Variants in AGTPBP1 observed in about 807,000 individuals in gnomAD.
AGTPBP1 encodes the protein ATP/GTP binding carboxypeptidase 1, also known as cytosolic carboxypeptidase 1.
In AGTPBP1, 70 loss-of-function variants were observed where a neutral mutation model predicts 143.9. That is an observed-to-expected ratio of 0.49 (90% confidence interval 0.40 to 0.59). The LOEUF is 0.59. Among genes scored for constraint, AGTPBP1 ranks in the 20% least tolerant of loss-of-function variants. AGTPBP1 has a pLI of 0.00. For missense variants in AGTPBP1, 1,229 were observed against 1,464.5 expected (o/e 0.84, Z 2.62); for synonymous variants, 463 against 500.2 (o/e 0.93, Z 0.99).
At chr9:85,591,719 C>T (rs1425474192) in intron 19 of AGTPBP1, among the ~76,000 whole-genome samples, 5 of 152,192 alleles carry the variant, frequency 3.3e-5, no homozygotes. Context: ...CTGTCAGCCT[C>T]ATTTAGTCTT....
the AGTPBP1 span, among the ~76,000 whole-genome samples, chr9:85,798,092 G>A: frequency 3.3e-5 from 5 of 150,900 alleles, no homozygotes; most frequent in Admixed American, 1.3e-4. Context: ...GGTGGAGACG[G>A]GGTTTCACCA....
chr9:85,710,455 AT>A (rs200321629), intron 2 of AGTPBP1, among the ~76,000 whole-genome samples: 1,657 of 152,096 alleles, frequency 0.011, 29 homozygotes, highest in African/African-American at 0.037. Context: ...TGGAAGTATT[AT>A]TTCTCCCCCC....
At chr9:85,654,445 GT>G (rs899263845) in intron 11 of AGTPBP1, among the ~76,000 whole-genome samples, 20 of 149,748 alleles carry the variant, frequency 1.3e-4, no homozygotes, top group African/African-American at 4.6e-4. Flanking sequence ...TGATTAGGTT[GT>G]TTTTTTTTAA....
the AGTPBP1 span, among the ~76,000 whole-genome samples, chr9:85,767,018 T>TC: frequency 6.6e-6 from 1 of 151,722 alleles, no homozygotes; most frequent in South Asian, 2.1e-4. Flanking sequence ...GCTTTTTTTT[T>TC]TTTTTTTGGT....
At chr9:85,698,274 C>A (rs1410537413) in intron 2 of AGTPBP1, among the ~76,000 whole-genome samples, 1 of 152,180 alleles carries the variant, frequency 6.6e-6, no homozygotes, top group Non-Finnish European at 1.5e-5. Flanking sequence ...AGAAAACTTT[C>A]ATCTTAGTGA....
chr9:85,646,016 T>C (rs188139925), intron 12 of AGTPBP1, among the ~76,000 whole-genome samples: 2 of 152,272 alleles, frequency 1.3e-5, no homozygotes, highest in African/African-American at 2.4e-5. Flanking sequence ...CATTTTGAAA[T>C]AAGTTGCCAC....
At chr9:85,785,311 G>A in the AGTPBP1 span, among the ~76,000 whole-genome samples, 1 of 152,014 alleles carries the variant, frequency 6.6e-6, no homozygotes, top group Non-Finnish European at 1.5e-5. Context: ...TCCAACCTGG[G>A]CGACAGAGCG....
intron 25 of AGTPBP1, among the ~76,000 whole-genome samples, chr9:85,558,898 C>T (rs568818382): frequency 6.6e-6 from 1 of 152,198 alleles, no homozygotes; most frequent in Non-Finnish European, 1.5e-5. Flanking sequence ...GGATTACAGG[C>T]GTGAGCCACT....
intron 13 of AGTPBP1, 56 bp from the exon 14 acceptor site, chr9:85,633,430 C>A: frequency 4.6e-6 from 6 of 1,303,490 alleles, no homozygotes; most frequent in Non-Finnish European, 6.2e-6. Context: ...AACATATTAA[C>A]AAAACTAATA....
the AGTPBP1 span, among the ~76,000 whole-genome samples, chr9:85,756,653 C>A: frequency 2.1e-4 from 32 of 152,188 alleles, no homozygotes; most frequent in Admixed American, 3.9e-4. Flanking sequence ...TGAACATGAA[C>A]ATTCATAGTA....
intron 23 of AGTPBP1, among the ~76,000 whole-genome samples, chr9:85,580,812 T>C (rs372424810): frequency 5.3e-5 from 8 of 152,148 alleles, no homozygotes; most frequent in African/African-American, 1.9e-4. Context: ...ACAATGGAAA[T>C]CTTATCTGAC....
At chr9:85,672,772 TCA>T in intron 6 of AGTPBP1, 91 bp from the exon 7 acceptor site, 1 of 1,067,046 alleles carries the variant, frequency 9.4e-7, no homozygotes, top group Non-Finnish European at 1.3e-6. Flanking sequence ...TCTTGCTCTG[TCA>T]TCCAGGCTGG....
At chr9:85,707,919 G>A (rs924339892) in intron 2 of AGTPBP1, among the ~76,000 whole-genome samples, 1 of 151,892 alleles carries the variant, frequency 6.6e-6, no homozygotes. Context: ...GTTCGGGGGT[G>A]GGGGGCTAGG....
chr9:85,687,625 GA>G (rs772885260), intron 3 of AGTPBP1, among the ~76,000 whole-genome samples: 5 of 151,600 alleles, frequency 3.3e-5, no homozygotes, highest in Non-Finnish European at 7.4e-5. Context: ...ATGGGTCAAA[GA>G]AAAAAACCAC....
the AGTPBP1 span, among the ~76,000 whole-genome samples, chr9:85,754,474 G>A: frequency 2.0e-5 from 3 of 152,114 alleles, no homozygotes; most frequent in South Asian, 2.1e-4. Flanking sequence ...GAGCCACCGC[G>A]CCCAGCCAAA....
At chr9:85,804,916 G>A in the AGTPBP1 span, among the ~76,000 whole-genome samples, 1 of 152,136 alleles carries the variant, frequency 6.6e-6, no homozygotes, top group Admixed American at 6.5e-5. Context: ...AAGCTACCAG[G>A]TCCCACTGCC....
chr9:85,594,588 TA>T (rs11292909), intron 18 of AGTPBP1, among the ~76,000 whole-genome samples: 98,317 of 150,376 alleles, frequency 0.65, 33,319 homozygotes, highest in African/African-American at 0.84. Flanking sequence ...AGACTGTGTT[TA>T]AAAAAAAAAA....
chr9:85,735,441 T>C (rs1279628770), intron 1 of AGTPBP1, among the ~76,000 whole-genome samples: 1 of 152,202 alleles, frequency 6.6e-6, no homozygotes, highest in Non-Finnish European at 1.5e-5. Flanking sequence ...ATAAAAGAAG[T>C]TCCATAGATG....
In AGTPBP1 at chr9:85,583,575, C is replaced by T. The variant is rs537311257; in HGVS notation, c.3165+1888G>A. Among the ~76,000 whole-genome samples the T allele has an allele frequency of 1.8e-4, 27 of 152,014 alleles. 1 individual carries two copies. The South Asian group carries it at 5.6e-3, about 32-fold the overall frequency. On this transcript the variant is annotated intron_variant, in intron 23 of 25. Transcript: ENST00000357081. ...CATCATCTTACATTTCCTTTCACAACAAAATTCAAAAAATTAATCAAATAA... is the reference window on the plus strand; with the variant it reads ...CATCATCTTACATTTCCTTTCACAATAAAATTCAAAAAATTAATCAAATAA...
Sources: allele counts gnomAD v4.1 joint callset (sites outside exome capture counted in the v4.1 genomes callset), GRCh38; gene constraint gnomAD v4.1.1; transcripts MANE v1.5; gene names NCBI Gene and HGNC (gene_info 2026-07-23, HGNC 2026-07-21).